TRAK2: variants seen among roughly 807,000 people sequenced by gnomAD.
TRAK2 encodes the protein trafficking kinesin-binding protein 2.
In TRAK2, 81 loss-of-function variants were observed where a neutral mutation model predicts 104.6. The observed-to-expected ratio is 0.77, with a 90% CI of 0.65 to 0.93. The LOEUF (loss-of-function observed/expected upper bound fraction) is 0.93. TRAK2 is among the 40% of genes least tolerant of loss of function. The pLI, the probability that TRAK2 is intolerant of heterozygous loss-of-function variation, is 0.00. For missense variants in TRAK2, 1,002 were observed against 1,089.0 expected (o/e 0.92, Z 1.12); for synonymous variants, 406 against 394.4 (o/e 1.03, Z -0.35).
At chr2:201,434,387 T>G (rs1951866792) in intron 1 of TRAK2, among the ~76,000 whole-genome samples, 1 of 152,194 alleles carries the variant, frequency 6.6e-6, no homozygotes, top group African/African-American at 2.4e-5. Flanking sequence ...ATGGGATTTG[T>G]AATACAGAAT....
Position 201,384,114 on chromosome 2 carries a change from G to C in TRAK2, c.2066C>G (p.Pro689Arg). ...CAGATTTCCCAGGCACTCTTACCTG[G>C]GGGTAACCTGAGTGATGTCAGAGGG... ...LHPSDITQVT[P>R]SSGFPSLSCG... is the part of the protein sequence containing the mutation. The change falls in exon 15 of 16, where the codon CCC (proline) becomes CGC (arginine). Residue 689 changes from proline to arginine, a missense_variant. Transcript: ENST00000332624. 6.2e-7 allele frequency: 1 copy of C among 1,608,226 alleles called. No homozygotes were observed. Among genetic ancestry groups the C allele is most frequent in the Non-Finnish European group, 8.5e-7 (1 of 1,176,654 alleles).
chr2:201,446,951 T>C (rs1951969570), intron 1 of TRAK2, among the ~76,000 whole-genome samples: 2 of 152,240 alleles, frequency 1.3e-5, no homozygotes, highest in South Asian at 2.1e-4. Flanking sequence ...TATCTTCTTA[T>C]GTACACCCTA....
At chr2:201,441,697 A>G (rs1343529508) in intron 1 of TRAK2, among the ~76,000 whole-genome samples, 2 of 126,668 alleles carry the variant, frequency 1.6e-5, no homozygotes, top group African/African-American at 6.0e-5. Flanking sequence ...TTTTTTTTTT[A>G]ATTTTCTCCC....
At chr2:201,449,389 T>G (rs896850314) in intron 1 of TRAK2, among the ~76,000 whole-genome samples, 6 of 152,080 alleles carry the variant, frequency 3.9e-5, no homozygotes, top group African/African-American at 1.4e-4. Flanking sequence ...CAGATTAGTG[T>G]GATAGGTTTG....
chr2:201,412,514 A>G (rs1469367493), intron 2 of TRAK2: 2 of 1,182,772 alleles, frequency 1.7e-6, no homozygotes, highest in African/African-American at 1.5e-5. Context: ...TTGCCTTCAA[A>G]TATATGTTTC....
chr2:201,397,856 T>C (rs1951515846), intron 6 of TRAK2: 1 of 551,530 alleles, frequency 1.8e-6, no homozygotes. Context: ...CTTAGTTACT[T>C]GTGTAAAAGT....
intron 1 of TRAK2, among the ~76,000 whole-genome samples, chr2:201,432,529 T>C (rs1951850156): frequency 6.6e-6 from 1 of 152,190 alleles, no homozygotes; most frequent in Admixed American, 6.5e-5. Context: ...AATAATCAAG[T>C]AACTTATTTT....
At chr2:201,386,072 T>A in intron 14 of TRAK2, 146 bp downstream of exon 14, 1 of 827,862 alleles carries the variant, frequency 1.2e-6, no homozygotes, top group South Asian at 1.8e-5. Context: ...GAATTAGGAA[T>A]GCCACTAATG....
At position 201,420,416 on chromosome 2, in the gene TRAK2, C is replaced by A. The variant is rs754486684; in HGVS notation, c.91+1G>T. The A allele has an allele frequency of 3.1e-6, 5 of 1,613,234 alleles. No homozygotes were observed. The highest frequency in any genetic ancestry group is 2.2e-5 in the East Asian group (1 of 44,872). On this transcript the variant is annotated splice_donor_variant, in intron 2 of 15. Transcript: ENST00000332624. LOFTEE classifies it high-confidence loss of function. ...TTCAATATTTATTAAACTGGACTTA[C>A]CAGTGATGCTCTCCGAGTCTCTGTG... is the stretch of plus-strand genomic sequence containing the variant.
In TRAK2 at chr2:201,420,665, C is replaced by T. The variant is rs907680000; in HGVS notation, c.-158G>A. 3.6e-5 allele frequency: 22 copies of T among 606,352 alleles called. No homozygotes were observed. Among genetic ancestry groups the T allele is most frequent in the South Asian group, 2.5e-4 (13 of 51,212 alleles). 37.6% of individuals were successfully genotyped at this position (606,352 alleles called of 1,614,324 possible). ...ATGAGTCAAATGACATCCGTAGCAA[C>T]GAGCACTCTCATGTGATTATCATAC... On this transcript the variant is annotated 5_prime_UTR_variant, in exon 2 of 16. Transcript: ENST00000332624.
Position 201,395,406 on chromosome 2 carries a change from A to G in TRAK2, c.808T>C (p.Leu270=). The G allele has an allele frequency of 6.3e-7, 1 of 1,584,130 alleles. No individual in the cohort carries two copies. The highest frequency in any genetic ancestry group is 1.2e-5 in the South Asian group (1 of 86,954). The change falls in exon 8 of 16, where the codon TTG becomes CTG. Residue 270 remains leucine, a synonymous_variant. Transcript: ENST00000332624. The part of the protein sequence containing the change: ...NAQMSRMTEE[L]SGKSDELIRY... ...ATCAGCTCATCACTCTTCCCTGACA[A>G]TTCTTCAGTCATTCTGGACATCTGA...
At chr2:201,400,986 T>A (rs1342628581) in intron 4 of TRAK2, 32 bp downstream of exon 4, 1 of 1,564,396 alleles carries the variant, frequency 6.4e-7, no homozygotes, top group East Asian at 2.2e-5. Flanking sequence ...AGTTTTACCT[T>A]TTTGTACTGG....
At chr2:201,404,900 G>T (rs910828568) in intron 3 of TRAK2, among the ~76,000 whole-genome samples, 1 of 152,080 alleles carries the variant, frequency 6.6e-6, no homozygotes, top group Non-Finnish European at 1.5e-5. Context: ...AGCCCTTGCT[G>T]CTACGATATA....
intron 1 of TRAK2, among the ~76,000 whole-genome samples, chr2:201,428,896 T>C (rs1370971479): frequency 6.6e-6 from 1 of 152,200 alleles, no homozygotes; most frequent in Non-Finnish European, 1.5e-5. Flanking sequence ...CCCTTGTAAG[T>C]TGGATTCCTA....
In TRAK2 at chr2:201,410,668, A is replaced by G. The variant is rs957197875; in HGVS notation, c.92-3071T>C. ...CTGCATACCAAAGGCAGATTGTCCTATCATGTTCATCTGTGTTCCCATTAC... is the reference window on the plus strand; with the variant it reads ...CTGCATACCAAAGGCAGATTGTCCTGTCATGTTCATCTGTGTTCCCATTAC... On this transcript the variant is annotated intron_variant, in intron 2 of 15. Transcript: ENST00000332624. 73 of 1,307,630 alleles carry G rather than the reference A, an allele frequency of 5.6e-5. 1 individual carries two copies. The highest frequency in any genetic ancestry group is 3.6e-4 in the Middle Eastern group (2 of 5,498). 81.0% of individuals were successfully genotyped at this position (1,307,630 alleles called of 1,614,324 possible).
chr2:201,430,608 GGGCATGGGACCCTCTGAGCCA>G (rs1951833893), intron 1 of TRAK2, among the ~76,000 whole-genome samples: 1 of 152,214 alleles, frequency 6.6e-6, no homozygotes, highest in South Asian at 2.1e-4. Context: ...AAGGCTCCGT[GGGCATGGGACCCTCTGAGCCA>G]GGCATGGGAT....
intron 1 of TRAK2, among the ~76,000 whole-genome samples, chr2:201,445,660 A>G (rs1951959036): frequency 6.6e-6 from 1 of 152,242 alleles, no homozygotes. Context: ...ACTATCTGGT[A>G]GGAGAAAATA....
At chr2:201,411,123 G>C in intron 2 of TRAK2, 2 of 890,512 alleles carry the variant, frequency 2.2e-6, no homozygotes, top group South Asian at 2.9e-5. Flanking sequence ...AGGTTTAGGG[G>C]TACTAACAGA....
intron 1 of TRAK2, among the ~76,000 whole-genome samples, chr2:201,448,194 GACTA>G (rs1022844614): frequency 1.3e-5 from 2 of 152,200 alleles, no homozygotes; most frequent in Non-Finnish European, 2.9e-5. Flanking sequence ...AAAGACAAAT[GACTA>G]ACTCATAATG....
Sources: gnomAD v4.1 joint callset for allele counts (sites outside exome capture counted in the v4.1 genomes callset) on GRCh38, gnomAD v4.1.1 for gene constraint, MANE v1.5 for transcripts, NCBI Gene and HGNC (gene_info 2026-07-23, HGNC 2026-07-21) for gene names.